Variants in P2RX5 observed in about 807,000 individuals in gnomAD.
P2RX5 encodes P2X purinoceptor 5.
A neutral mutation model predicts 54.1 loss-of-function variants in P2RX5; 46 were observed. The ratio of observed to expected loss-of-function variants is 0.85; its 90% CI spans 0.67 to 1.09. The LOEUF (loss-of-function observed/expected upper bound fraction) is 1.09. Ranked by LOEUF, P2RX5 falls within the 50% of genes least tolerant of loss-of-function variation. The pLI is 0.00. For missense variants in P2RX5, 566 were observed against 549.8 expected (o/e 1.03, Z -0.29); for synonymous variants, 226 against 226.4 (o/e 1.00, Z 0.02).
chr17:3,679,709 C>T lies in P2RX5; in HGVS notation c.1140G>A (p.Gly380=), dbSNP rs1334513880. The T allele has an allele frequency of 1.2e-6, 2 of 1,612,438 alleles. No individual in the cohort carries two copies. The highest frequency in any genetic ancestry group is 1.7e-6 in the Non-Finnish European group (2 of 1,179,830). The part of the protein sequence containing the change: ...GLGLSEQLTS[G]PGLLGMPEQQ... ...GCTCCGGCATCCCCAGCAGCCCTGGCCCAGATGTGAGCTGCTCAGATAGCC... is the reference window on the plus strand; with the variant it reads ...GCTCCGGCATCCCCAGCAGCCCTGGTCCAGATGTGAGCTGCTCAGATAGCC... The change falls in exon 11 of 12, where the codon GGG becomes GGA. Residue 380 remains glycine (G), a synonymous_variant. Coordinates refer to ENST00000225328, the MANE Select transcript of P2RX5 (RefSeq NM_002561.4).
At chr17:3,699,914 G>A (rs55784733), upstream of P2RX5, among the ~76,000 whole-genome samples, 100 of 44,338 alleles carry the variant, frequency 2.3e-3, 2 homozygotes, top group African/African-American at 4.8e-3. Context: ...AGGAAGGAAG[G>A]AAGGAAAGAA....
At chr17:3,702,666 C>A in the P2RX5 span, among the ~76,000 whole-genome samples, 2 of 152,066 alleles carry the variant, frequency 1.3e-5, no homozygotes, top group African/African-American at 4.8e-5. Context: ...ATCTGAACAT[C>A]AGAACATCAG....
chr17:3,703,995 G>A, the P2RX5 span, among the ~76,000 whole-genome samples: 14 of 152,200 alleles, frequency 9.2e-5, no homozygotes, highest in South Asian at 2.1e-4. Flanking sequence ...CCAGCTACTC[G>A]GGAGGCTGAG....
At chr17:3,677,890 G>A in intron 11 of P2RX5, 1 of 985,360 alleles carries the variant, frequency 1.0e-6, no homozygotes, top group Non-Finnish European at 1.2e-6. Context: ...GAGCCCCTCT[G>A]ACCATTGGGA....
chr17:3,711,217 G>A, the P2RX5 span, among the ~76,000 whole-genome samples: 4 of 152,086 alleles, frequency 2.6e-5, no homozygotes, highest in South Asian at 6.2e-4. Flanking sequence ...GTGCAGATTC[G>A]AATAACCTGT....
chr17:3,690,535 G>C lies in P2RX5; in HGVS notation c.437-12C>G, dbSNP rs1460885761. 2 of 1,611,928 alleles carry C rather than the reference G, an allele frequency of 1.2e-6. No homozygotes were observed. The highest frequency in any genetic ancestry group is 8.5e-7 in the Non-Finnish European group (1 of 1,178,456). ...GCCGGTCTTCACTCCTGCAGGGGTG[G>C]GACAGGATCAATGCCAGGAGCCTCC... On this transcript the variant is annotated splice_polypyrimidine_tract_variant and intron_variant, in intron 4 of 11. Coordinates refer to ENST00000225328, the MANE Select transcript of P2RX5 (RefSeq NM_002561.4).
intron 1 of P2RX5, among the ~76,000 whole-genome samples, chr17:3,693,078 C>A (rs1239691871): frequency 7.8e-6 from 1 of 128,750 alleles, no homozygotes. Context: ...CAATAAAAAG[C>A]CAAATAATCC....
chr17:3,723,664 GC>G, the P2RX5 span: 2 of 1,567,664 alleles, frequency 1.3e-6, no homozygotes, highest in South Asian at 2.3e-5. Context: ...CCCTCCCCTG[GC>G]CTCTCGGGAC....
Position 3,679,934 on chromosome 17 carries a change from G to A in P2RX5, c.1065-150C>T, listed in dbSNP as rs1214696477. 36 of 705,944 alleles carry A rather than the reference G, an allele frequency of 5.1e-5. 1 individual carries two copies. Among genetic ancestry groups the A allele is most frequent in the East Asian group, 3.6e-4 (13 of 36,386 alleles). The allele number at this position is 705,944 out of a possible 1,614,324, so 43.7% of individuals were successfully genotyped here. ...GTCCTCCACCCTGCTTCCTCCATGC[G>A]GCTCCCTCCACCCTGCATCCTCCAC... On this transcript the variant is annotated intron_variant, in intron 10 of 11. Coordinates refer to ENST00000225328, the MANE Select transcript of P2RX5 (RefSeq NM_002561.4).
At chr17:3,676,928 G>A (rs1027164932) in intron 11 of P2RX5, 2 of 258,672 alleles carry the variant, frequency 7.7e-6, no homozygotes, top group African/African-American at 2.3e-5. Context: ...CGGGCATGGT[G>A]GTGGGCACCT....
the P2RX5 span, among the ~76,000 whole-genome samples, chr17:3,715,419 G>A: frequency 1.3e-5 from 2 of 152,164 alleles, no homozygotes; most frequent in African/African-American, 2.4e-5. Context: ...ACAGAAGCCA[G>A]CACAGAGGAC....
At chr17:3,689,459 T>C in intron 7 of P2RX5, 33 bp downstream of exon 7, 1 of 1,612,278 alleles carries the variant, frequency 6.2e-7, no homozygotes, top group Non-Finnish European at 8.5e-7. Context: ...CCCCAGGCCC[T>C]CAGGGAGGGC....
At chr17:3,713,870 C>T in the P2RX5 span, among the ~76,000 whole-genome samples, 3 of 152,092 alleles carry the variant, frequency 2.0e-5, no homozygotes, top group African/African-American at 7.2e-5. Context: ...AATTAAAACC[C>T]CAAAGAGTTT....
At chr17:3,692,941 G>T (rs1440419501) in intron 1 of P2RX5, among the ~76,000 whole-genome samples, 1 of 152,064 alleles carries the variant, frequency 6.6e-6, no homozygotes, top group Non-Finnish European at 1.5e-5. Flanking sequence ...AATTTAAAAT[G>T]TTCATGCATC....
At chr17:3,712,630 G>A in the P2RX5 span, among the ~76,000 whole-genome samples, 1 of 152,184 alleles carries the variant, frequency 6.6e-6, no homozygotes, top group Non-Finnish European at 1.5e-5. Context: ...AAATCCCAAA[G>A]AATCAACTAA....
At position 3,690,683 on chromosome 17, in the gene P2RX5, G is replaced by C; in HGVS notation, c.361-3C>G. ...GCGCCATCAGGAATGCCTTCATTCT[G>C]CCAGGAGAGAAGGGGCACCTGGATG... On this transcript the variant is annotated splice_polypyrimidine_tract_variant and splice_region_variant and intron_variant, in intron 3 of 11. Transcript: ENST00000225328. 2 of 1,612,890 alleles carry C rather than the reference G, an allele frequency of 1.2e-6. No homozygotes were observed. The highest frequency in any genetic ancestry group is 1.1e-5 in the South Asian group (1 of 91,080).
At chr17:3,679,089 C>T (rs968847772) in intron 11 of P2RX5, among the ~76,000 whole-genome samples, 1 of 152,188 alleles carries the variant, frequency 6.6e-6, no homozygotes, top group East Asian at 1.9e-4. Flanking sequence ...CAGAGACGTT[C>T]GGCAAAGGCA....
intron 9 of P2RX5, chr17:3,685,721 CAG>C (rs1248849563): frequency 7.5e-5 from 3 of 40,080 alleles, no homozygotes; most frequent in Non-Finnish European, 2.0e-4. Context: ...GTCCCCCTCC[CAG>C]CCTGAGAACA....
the P2RX5 span, among the ~76,000 whole-genome samples, chr17:3,708,111 G>C: frequency 1.3e-5 from 2 of 151,580 alleles, no homozygotes; most frequent in Admixed American, 1.3e-4. Context: ...GGGACAGAGG[G>C]AGGGCAAGGG....
Sources: gnomAD v4.1 joint callset for allele counts (sites outside exome capture counted in the v4.1 genomes callset) on GRCh38, gnomAD v4.1.1 for gene constraint, MANE v1.5 for transcripts, NCBI Gene and HGNC (gene_info 2026-07-23, HGNC 2026-07-21) for gene names.